Variants in ANO3 observed in about 807,000 individuals in gnomAD.
The protein encoded by ANO3 is anoctamin-3.
A neutral mutation model predicts 144.8 loss-of-function variants in ANO3; 99 were observed. The ratio of observed to expected loss-of-function variants is 0.68; its 90% CI spans 0.58 to 0.81. The LOEUF is 0.81. Ranked by LOEUF, ANO3 falls within the 30% of genes least tolerant of loss-of-function variation. The probability of loss-of-function intolerance (pLI) is 0.00; values close to 1 mark genes in which losing one functional copy is unlikely to be tolerated. For synonymous variants in ANO3, 414 were observed against 392.6 expected (o/e 1.05, Z -0.64); for missense variants, 905 against 1,202.2 (o/e 0.75, Z 3.66).
chr11:26,425,004 A>G (rs530465924), intron 1 of ANO3, among the ~76,000 whole-genome samples: 22 of 152,002 alleles, frequency 1.4e-4, no homozygotes, highest in Non-Finnish European at 3.1e-4. Flanking sequence ...CGTCATTTAC[A>G]TTAGGTATAT....
At chr11:26,404,078 G>A (rs1198590744) in intron 1 of ANO3, among the ~76,000 whole-genome samples, 1 of 151,648 alleles carries the variant, frequency 6.6e-6, no homozygotes, top group Non-Finnish European at 1.5e-5. Flanking sequence ...TTTATTGACA[G>A]TTTTTTTCCA....
At chr11:26,196,595 C>T (rs531104305) in intron 1 of ANO3, among the ~76,000 whole-genome samples, 4 of 152,114 alleles carry the variant, frequency 2.6e-5, no homozygotes, top group African/African-American at 7.2e-5. Context: ...CTGGTAAACA[C>T]AAGGATGACC....
intron 26 of ANO3, among the ~76,000 whole-genome samples, chr11:26,658,533 C>T (rs1032298534): frequency 2.0e-5 from 3 of 151,944 alleles, no homozygotes; most frequent in Non-Finnish European, 4.4e-5. Flanking sequence ...TCACTTGAAC[C>T]CAGGAGGCGG....
chr11:26,299,929 A>G (rs117670900), intron 1 of ANO3, among the ~76,000 whole-genome samples: 2,788 of 152,266 alleles, frequency 0.018, 51 homozygotes, highest in East Asian at 0.11. Context: ...AGGAAGCAAA[A>G]TTATCAGCTA....
chr11:26,375,174 A>G (rs1856371779), intron 1 of ANO3, among the ~76,000 whole-genome samples: 2 of 152,210 alleles, frequency 1.3e-5, no homozygotes, highest in African/African-American at 4.8e-5. Context: ...ATCATCAGAC[A>G]TTAGATTCTC....
chr11:26,215,469 A>G (rs968930989), intron 1 of ANO3, among the ~76,000 whole-genome samples: 4 of 151,462 alleles, frequency 2.6e-5, no homozygotes, highest in African/African-American at 7.3e-5. Context: ...TTTTCCCCCT[A>G]TTGGGACATT....
chr11:26,229,754 GA>G (rs2133800633), intron 1 of ANO3, among the ~76,000 whole-genome samples: 1 of 152,214 alleles, frequency 6.6e-6, no homozygotes, highest in Non-Finnish European at 1.5e-5. Flanking sequence ...CAAGAAGTTA[GA>G]AAGGGTGTGA....
chr11:26,565,779 T>G (rs1850553725), intron 14 of ANO3: 1 of 1,613,362 alleles, frequency 6.2e-7, no homozygotes, highest in East Asian at 2.2e-5. Context: ...GTTTATGTCT[T>G]GATTTTCTTT....
chr11:26,641,597 A>G (rs1470537810), intron 21 of ANO3, among the ~76,000 whole-genome samples: 1 of 152,166 alleles, frequency 6.6e-6, no homozygotes, highest in South Asian at 2.1e-4. Flanking sequence ...TTTAGTGTAT[A>G]GAGCTTGAAT....
intron 5 of ANO3, among the ~76,000 whole-genome samples, chr11:26,509,560 A>G (rs1395457991): frequency 3.3e-5 from 5 of 152,172 alleles, no homozygotes; most frequent in Non-Finnish European, 7.4e-5. Context: ...TGATCTGCCC[A>G]CTTCAGCCCC....
chr11:26,435,015 A>G (rs1858244898), intron 1 of ANO3, among the ~76,000 whole-genome samples: 1 of 152,064 alleles, frequency 6.6e-6, no homozygotes, highest in Admixed American at 6.5e-5. Context: ...CTGTCAGGGT[A>G]GTGTTAAAGA....
At chr11:26,547,357 T>C (rs1464463761) in intron 11 of ANO3, 59 bp from the exon 12 acceptor site, 1 of 1,553,896 alleles carries the variant, frequency 6.4e-7, no homozygotes, top group African/African-American at 1.4e-5. Context: ...GTGGCATCAA[T>C]ATTTGTAATA....
intron 4 of ANO3, among the ~76,000 whole-genome samples, chr11:26,476,220 T>C (rs1859963158): frequency 6.6e-6 from 1 of 152,134 alleles, no homozygotes; most frequent in Non-Finnish European, 1.5e-5. Context: ...GCTTGTAGTC[T>C]AGTGGAGGAA....
intron 14 of ANO3, among the ~76,000 whole-genome samples, chr11:26,576,608 T>C (rs943798688): frequency 3.9e-5 from 6 of 152,246 alleles, no homozygotes; most frequent in African/African-American, 1.4e-4. Flanking sequence ...GATCACACTT[T>C]GTAAAACTGA....
chr11:26,630,583 C>A (rs1009327909), intron 18 of ANO3, among the ~76,000 whole-genome samples: 4 of 152,168 alleles, frequency 2.6e-5, no homozygotes, highest in Admixed American at 2.6e-4. Flanking sequence ...GTTTATAAGG[C>A]ATTTAGATAA....
chr11:26,452,957 G>A (rs1410199699), intron 3 of ANO3, among the ~76,000 whole-genome samples: 1 of 152,176 alleles, frequency 6.6e-6, no homozygotes, highest in Non-Finnish European at 1.5e-5. Context: ...TTTCAACCCA[G>A]AATTTCATAT....
intron 23 of ANO3, among the ~76,000 whole-genome samples, chr11:26,645,723 G>C (rs1853322577): frequency 6.6e-6 from 1 of 152,048 alleles, no homozygotes; most frequent in Non-Finnish European, 1.5e-5. Flanking sequence ...GAGGGAGGGA[G>C]AGCATCAGGA....
intron 14 of ANO3, among the ~76,000 whole-genome samples, chr11:26,577,720 G>A (rs578047487): frequency 5.3e-5 from 8 of 152,272 alleles, no homozygotes; most frequent in South Asian, 4.1e-4. Flanking sequence ...AGTACAAATC[G>A]ATAGTAGATG....
At chr11:26,274,708 C>G (rs769435582) in intron 1 of ANO3, among the ~76,000 whole-genome samples, 3 of 152,090 alleles carry the variant, frequency 2.0e-5, no homozygotes, top group Non-Finnish European at 4.4e-5. Flanking sequence ...CTTTGTTATA[C>G]TTTTGCTTTA....
Sources: gnomAD v4.1 joint callset for allele counts (sites outside exome capture counted in the v4.1 genomes callset) on GRCh38, gnomAD v4.1.1 for gene constraint, MANE v1.5 for transcripts, NCBI Gene and HGNC (gene_info 2026-07-23, HGNC 2026-07-21) for gene names.